Variants in PLCB1 observed in about 807,000 individuals in gnomAD.
PLCB1 encodes the protein phospholipase C beta 1, also known as 1-phosphatidylinositol 4,5-bisphosphate phosphodiesterase beta-1.
Under a neutral mutation model 161.8 loss-of-function variants are expected in PLCB1, and 46 were observed. The observed-to-expected ratio is 0.28, with a 90% CI of 0.22 to 0.36. The LOEUF (loss-of-function observed/expected upper bound fraction) is 0.36, where lower values mean the gene tolerates loss of function less well. Ranked by LOEUF, PLCB1 falls within the 10% of genes least tolerant of loss-of-function variation. The pLI is 1.00. For missense variants in PLCB1, 1,016 were observed against 1,472.5 expected (o/e 0.69, Z 5.07); for synonymous variants, 517 against 503.7 (o/e 1.03, Z -0.35).
At chr20:8,237,423 A>T (rs1023506283) in intron 2 of PLCB1, among the ~76,000 whole-genome samples, 5 of 152,080 alleles carry the variant, frequency 3.3e-5, no homozygotes, top group African/African-American at 1.2e-4. Context: ...TCATATGGAC[A>T]TGCACGAAAG....
At chr20:8,356,067 TTCTC>T (rs1398064891) in intron 2 of PLCB1, among the ~76,000 whole-genome samples, 1 of 152,152 alleles carries the variant, frequency 6.6e-6, no homozygotes, top group Non-Finnish European at 1.5e-5. Flanking sequence ...TGTACTGAAA[TTCTC>T]TCTCTCTTTT....
intron 3 of PLCB1, among the ~76,000 whole-genome samples, chr20:8,455,432 C>CTTTT (rs1175763739): frequency 5.7e-4 from 42 of 74,208 alleles, no homozygotes; most frequent in African/African-American, 9.0e-4. Context: ...TATTCTTCCT[C>CTTTT]TTTTTTTTTT....
chr20:8,503,230 C>A (rs908526691), intron 3 of PLCB1, among the ~76,000 whole-genome samples: 2 of 152,150 alleles, frequency 1.3e-5, no homozygotes, highest in Non-Finnish European at 2.9e-5. Context: ...CTTCCTGCAG[C>A]CTGTCTCCAA....
intron 9 of PLCB1, among the ~76,000 whole-genome samples, chr20:8,684,326 G>A (rs1227665694): frequency 2.0e-5 from 3 of 149,192 alleles, no homozygotes; most frequent in South Asian, 4.3e-4. Flanking sequence ...GCGCCATCTC[G>A]GCTCAATGCA....
chr20:8,665,789 C>T (rs890680727), intron 9 of PLCB1, among the ~76,000 whole-genome samples: 6 of 152,162 alleles, frequency 3.9e-5, no homozygotes, highest in African/African-American at 1.4e-4. Context: ...TCTCTATTCT[C>T]CATCCTTGAA....
intron 23 of PLCB1, among the ~76,000 whole-genome samples, chr20:8,746,311 T>G (rs1981168754): frequency 6.6e-6 from 1 of 152,192 alleles, no homozygotes; most frequent in African/African-American, 2.4e-5. Flanking sequence ...TAGTGAAATA[T>G]CATAACACTT....
intron 3 of PLCB1, among the ~76,000 whole-genome samples, chr20:8,523,465 G>GCTCTCTCTCTCTCT (rs1174973173): frequency 6.4e-4 from 31 of 48,796 alleles, no homozygotes; most frequent in East Asian, 9.6e-4. Flanking sequence ...TATATATTTG[G>GCTCTCTCTCTCTCT]CTCTCTCTCT....
At chr20:8,516,326 A>G (rs73894571) in intron 3 of PLCB1, among the ~76,000 whole-genome samples, 13,783 of 152,184 alleles carry the variant, frequency 0.091, 680 homozygotes, top group Middle Eastern at 0.12. Flanking sequence ...TTCTGATAAT[A>G]TTACTCTGGC....
chr20:8,405,430 C>G (rs1311589126), intron 3 of PLCB1, among the ~76,000 whole-genome samples: 1 of 152,166 alleles, frequency 6.6e-6, no homozygotes, highest in Non-Finnish European at 1.5e-5. Context: ...AACAGGCACT[C>G]CATCAATTAC....
Position 8,684,960 on chromosome 20 carries a change from C to T in PLCB1, c.891C>T (p.Arg297=). 1.2e-6 allele frequency: 2 copies of T among 1,613,784 alleles called. No individual in the cohort carries two copies. Among genetic ancestry groups the T allele is most frequent in the Non-Finnish European group, 1.7e-6 (2 of 1,179,824 alleles). The change falls in exon 10 of 32, where the codon CGC becomes CGT. Residue 297 remains arginine (R), a synonymous_variant. Transcript: ENST00000338037. ...KGQISVDGFM[R]YLSGEENGVV... is the part of the protein sequence containing the mutation. ...AAATATCAGTGGATGGGTTCATGCG[C>T]TATCTGAGTGGAGAAGAAAACGGAG...
intron 3 of PLCB1, among the ~76,000 whole-genome samples, chr20:8,427,477 G>A (rs1979835932): frequency 6.6e-6 from 1 of 152,116 alleles, no homozygotes; most frequent in African/African-American, 2.4e-5. Flanking sequence ...TGCCTGGTGA[G>A]GGAAATATTT....
intron 2 of PLCB1, among the ~76,000 whole-genome samples, chr20:8,254,900 G>A (rs1981331666): frequency 6.6e-6 from 1 of 151,908 alleles, no homozygotes; most frequent in South Asian, 2.1e-4. Context: ...TATTTCCTTT[G>A]CCAATTAACC....
chr20:8,496,170 C>G (rs1459247808), intron 3 of PLCB1, among the ~76,000 whole-genome samples: 1 of 152,102 alleles, frequency 6.6e-6, no homozygotes, highest in Non-Finnish European at 1.5e-5. Context: ...ATGTCCCAGA[C>G]TTATAATTTA....
At chr20:8,670,660 A>G (rs1303271991) in intron 9 of PLCB1, among the ~76,000 whole-genome samples, 2 of 152,340 alleles carry the variant, frequency 1.3e-5, no homozygotes, top group African/African-American at 2.4e-5. Flanking sequence ...GATTTAGGGG[A>G]AAAATGGTAA....
chr20:8,627,932 G>T (rs1988408677), intron 3 of PLCB1, among the ~76,000 whole-genome samples: 1 of 152,152 alleles, frequency 6.6e-6, no homozygotes, highest in African/African-American at 2.4e-5. Flanking sequence ...CACCTTCTTT[G>T]TCTTAGTGCA....
At chr20:8,476,166 A>G (rs1395077673) in intron 3 of PLCB1, among the ~76,000 whole-genome samples, 1 of 152,208 alleles carries the variant, frequency 6.6e-6, no homozygotes, top group Admixed American at 6.5e-5. Context: ...GAGACCTAGT[A>G]GAGCAGCTTA....
intron 2 of PLCB1, among the ~76,000 whole-genome samples, chr20:8,250,844 G>A (rs866545951): frequency 6.6e-6 from 1 of 151,966 alleles, no homozygotes. Context: ...GCTAGCTGCT[G>A]TGGATTCAGA....
intron 3 of PLCB1, among the ~76,000 whole-genome samples, chr20:8,452,270 C>T (rs1260096739): frequency 2.0e-5 from 3 of 152,044 alleles, no homozygotes; most frequent in Non-Finnish European, 2.9e-5. Flanking sequence ...CAGCCTCTTA[C>T]CTTTTTGCTA....
At chr20:8,853,923 A>G (rs567199811) in intron 31 of PLCB1, among the ~76,000 whole-genome samples, 4 of 152,330 alleles carry the variant, frequency 2.6e-5, no homozygotes. Flanking sequence ...CGTAATGGGC[A>G]TATGGTATTT....
Sources: gnomAD v4.1 joint callset for allele counts (sites outside exome capture counted in the v4.1 genomes callset) on GRCh38, gnomAD v4.1.1 for gene constraint, MANE v1.5 for transcripts, NCBI Gene and HGNC (gene_info 2026-07-23, HGNC 2026-07-21) for gene names.